LYRM4: variants seen among roughly 807,000 people sequenced by gnomAD.
LYRM4 encodes the protein LYR motif containing 4.
Under a neutral mutation model 11.7 loss-of-function variants are expected in LYRM4, and 9 were observed. The observed-to-expected ratio is 0.77, with a 90% CI of 0.46 to 1.34. The LOEUF is 1.34. LYRM4 is among the 40% of genes most tolerant of loss of function. The pLI is 0.00. For synonymous variants in LYRM4, 42 were observed against 40.4 expected (o/e 1.04, Z -0.15); for missense variants, 133 against 112.5 (o/e 1.18, Z -0.82).
chr6:5,114,054 A>G lies in LYRM4; in HGVS notation c.208-4563T>C, dbSNP rs548625228. Among the ~76,000 whole-genome samples, 7 of 152,302 alleles carry G rather than the reference A, an allele frequency of 4.6e-5. No homozygotes were observed. In the East Asian group the frequency reaches 1.2e-3, roughly 25 times the overall value. ...ACTCCTGTGCAGCTAGAGGTGGCCA[A>G]TGAGGTGTCAGCTGTCATCATGGCT... On this transcript the variant is annotated intron_variant, in intron 2 of 2. Transcript: ENST00000330636.
intron 1 of LYRM4, among the ~76,000 whole-genome samples, chr6:5,243,727 G>T (rs1764016002): frequency 6.6e-6 from 1 of 152,176 alleles, no homozygotes; most frequent in African/African-American, 2.4e-5. Flanking sequence ...TTATATATCA[G>T]TTATTTTTAA....
At chr6:5,144,825 G>A (rs1757625177) in intron 2 of LYRM4, among the ~76,000 whole-genome samples, 1 of 152,086 alleles carries the variant, frequency 6.6e-6, no homozygotes, top group African/African-American at 2.4e-5. Flanking sequence ...GCAAACCTCC[G>A]TAATCCCTTC....
the LYRM4 span, among the ~76,000 whole-genome samples, chr6:5,070,897 A>G: frequency 6.7e-6 from 1 of 150,262 alleles, no homozygotes; most frequent in African/African-American, 2.5e-5. Flanking sequence ...AAAAGGTTTA[A>G]AAATACATTT....
At chr6:5,135,458 A>C (rs421203) in intron 2 of LYRM4, among the ~76,000 whole-genome samples, 1 of 40,702 alleles carries the variant, frequency 2.5e-5, no homozygotes, top group African/African-American at 2.0e-4. Context: ...CACTCCCGGG[A>C]CTGTGGAGGG....
intron 2 of LYRM4, among the ~76,000 whole-genome samples, chr6:5,179,065 C>CAAAAAAAAAAAAAAAAAAAAAAAAAA (rs58749743): frequency 4.8e-5 from 5 of 103,918 alleles, no homozygotes; most frequent in East Asian, 2.5e-4. Context: ...ACCAAAAAAA[C>CAAAAAAAAAAAAAAAAAAAAAAAAAA]AAAAAAAAAA....
chr6:5,244,158 C>A, intron 1 of LYRM4, among the ~76,000 whole-genome samples: 1 of 152,184 alleles, frequency 6.6e-6, no homozygotes, highest in Non-Finnish European at 1.5e-5. Flanking sequence ...ACTGTGTTTC[C>A]ACTTTCAGTA....
the LYRM4 span, among the ~76,000 whole-genome samples, chr6:5,037,653 T>C: frequency 1.4e-3 from 45 of 31,834 alleles, no homozygotes; most frequent in African/African-American, 2.9e-3. Context: ...TCCCCCCACC[T>C]CCCTCCCGGA....
intron 2 of LYRM4, among the ~76,000 whole-genome samples, chr6:5,173,620 TTAA>T (rs1247279244): frequency 2.0e-5 from 3 of 152,242 alleles, no homozygotes; most frequent in Non-Finnish European, 2.9e-5. Flanking sequence ...TTTTGAACAG[TTAA>T]TGAGTACCCC....
chr6:5,054,625 T>C, the LYRM4 span, among the ~76,000 whole-genome samples: 4 of 152,148 alleles, frequency 2.6e-5, no homozygotes, highest in African/African-American at 9.7e-5. Context: ...ATCCCTCTCT[T>C]GGCCAAGAAG....
In LYRM4 at chr6:5,111,622, G is replaced by A. The variant is rs140555985; in HGVS notation, c.208-2131C>T. 1.6e-4 allele frequency among the ~76,000 whole-genome samples: 24 copies of A among 152,312 alleles called. No individual in the cohort carries two copies. In the East Asian group the frequency reaches 3.5e-3, roughly 22 times the overall value. ...TTCTGTGATTACAGGCACTGTCCACGGCTCCGGGATCCATCTGGGACGCCT... is the reference window on the plus strand; with the variant it reads ...TTCTGTGATTACAGGCACTGTCCACAGCTCCGGGATCCATCTGGGACGCCT... On this transcript the variant is annotated intron_variant, in intron 2 of 2. Transcript: ENST00000330636.
chr6:5,234,577 A>G (rs539547739), intron 1 of LYRM4, among the ~76,000 whole-genome samples: 3 of 152,370 alleles, frequency 2.0e-5, no homozygotes, highest in Admixed American at 2.0e-4. Flanking sequence ...TTGAAGGATG[A>G]ATAGAATTTC....
At chr6:5,066,692 G>A in the LYRM4 span, 1 of 918,550 alleles carries the variant, frequency 1.1e-6, no homozygotes, top group Non-Finnish European at 1.8e-6. Context: ...GCAGCAATAG[G>A]TGTGGAGGTC....
At chr6:5,228,679 T>C (rs1405774710) in intron 1 of LYRM4, among the ~76,000 whole-genome samples, 1 of 152,172 alleles carries the variant, frequency 6.6e-6, no homozygotes, top group Middle Eastern at 3.2e-3. Context: ...ATATCTTTGT[T>C]AATAATACTA....
chr6:5,089,321 A>G, the LYRM4 span: 2 of 152,112 alleles, frequency 1.3e-5, no homozygotes, highest in African/African-American at 4.8e-5. Flanking sequence ...GCATAACCAT[A>G]TTTTTCCGAT....
intron 2 of LYRM4, among the ~76,000 whole-genome samples, chr6:5,142,627 T>C (rs1395026274): frequency 6.6e-6 from 1 of 152,240 alleles, no homozygotes; most frequent in East Asian, 1.9e-4. Context: ...TTTTCATTTC[T>C]ACCATTCAAC....
At chr6:5,175,191 A>T (rs1759649073) in intron 2 of LYRM4, among the ~76,000 whole-genome samples, 1 of 152,260 alleles carries the variant, frequency 6.6e-6, no homozygotes, top group Non-Finnish European at 1.5e-5. Flanking sequence ...AGAGGGGCTC[A>T]GAGCCAGTGC....
At chr6:5,144,264 T>C in intron 2 of LYRM4, 1 of 1,537,078 alleles carries the variant, frequency 6.5e-7, no homozygotes, top group Non-Finnish European at 8.7e-7. Flanking sequence ...CTCAGCTACC[T>C]GCACTGAGAT....
At chr6:5,130,886 T>C (rs1763921228) in intron 2 of LYRM4, among the ~76,000 whole-genome samples, 1 of 151,950 alleles carries the variant, frequency 6.6e-6, no homozygotes, top group Non-Finnish European at 1.5e-5. Flanking sequence ...AGGGAATGAA[T>C]AGTCACTTGA....
intron 1 of LYRM4, among the ~76,000 whole-genome samples, chr6:5,222,411 T>C (rs1035348782): frequency 6.6e-6 from 1 of 152,202 alleles, no homozygotes; most frequent in African/African-American, 2.4e-5. Flanking sequence ...ATGCCTACTA[T>C]ATAAGCATTA....
Sources: gnomAD v4.1 joint callset for allele counts (sites outside exome capture counted in the v4.1 genomes callset) on GRCh38, gnomAD v4.1.1 for gene constraint, MANE v1.5 for transcripts, NCBI Gene and HGNC (gene_info 2026-07-23, HGNC 2026-07-21) for gene names.